SETD3: variants seen among roughly 807,000 people sequenced by gnomAD.
The protein encoded by SETD3 is actin-histidine N-methyltransferase.
SETD3 carries 19 observed loss-of-function variants against 63.0 expected under a neutral mutation model. The observed-to-expected ratio is 0.30, with a 90% confidence interval of 0.21 to 0.44. The LOEUF is 0.44. SETD3 is among the 20% of genes least tolerant of loss of function. The pLI is 1.00. For missense variants in SETD3, 587 were observed against 728.5 expected (o/e 0.81, Z 2.24); for synonymous variants, 286 against 264.1 (o/e 1.08, Z -0.80).
At chr14:99,441,714 C>T (rs1379049274) in intron 6 of SETD3, among the ~76,000 whole-genome samples, 1 of 152,170 alleles carries the variant, frequency 6.6e-6, no homozygotes, top group East Asian at 1.9e-4. Context: ...GAGTGGACTG[C>T]AGTGAGGGAG....
At chr14:99,468,019 C>T (rs1016308676) in intron 1 of SETD3, among the ~76,000 whole-genome samples, 30 of 152,122 alleles carry the variant, frequency 2.0e-4, no homozygotes, top group African/African-American at 6.8e-4. Context: ...GCAGTAGATA[C>T]CATCCTCATC....
At chr14:99,480,370 G>A (rs1157906667) in intron 1 of SETD3, among the ~76,000 whole-genome samples, 1 of 151,976 alleles carries the variant, frequency 6.6e-6, no homozygotes, top group Non-Finnish European at 1.5e-5. Context: ...AGCTCGGGGA[G>A]AGCGCTGCCT....
At chr14:99,486,326 G>A in the SETD3 span, among the ~76,000 whole-genome samples, 10 of 152,118 alleles carry the variant, frequency 6.6e-5, no homozygotes, top group South Asian at 2.1e-4. Context: ...GTGCATTCAA[G>A]TCTGTTTTAC....
At chr14:99,427,397 A>G (rs1242586492) in intron 6 of SETD3, among the ~76,000 whole-genome samples, 1 of 152,202 alleles carries the variant, frequency 6.6e-6, no homozygotes, top group Non-Finnish European at 1.5e-5. Flanking sequence ...TAAATGTAAT[A>G]TTTACTGTGC....
At chr14:99,400,662 G>A (rs914654904) in intron 11 of SETD3, among the ~76,000 whole-genome samples, 1 of 152,164 alleles carries the variant, frequency 6.6e-6, no homozygotes, top group Non-Finnish European at 1.5e-5. Flanking sequence ...TTAGGTGAAC[G>A]ATGTAAACGG....
At chr14:99,464,637 CA>C (rs1484673733) in intron 2 of SETD3, among the ~76,000 whole-genome samples, 5 of 152,220 alleles carry the variant, frequency 3.3e-5, no homozygotes, top group African/African-American at 1.2e-4. Context: ...GGGAAAGCTG[CA>C]TTTTTACTTG....
At chr14:99,420,822 A>C (rs536673881) in intron 6 of SETD3, among the ~76,000 whole-genome samples, 1 of 151,346 alleles carries the variant, frequency 6.6e-6, no homozygotes, top group African/African-American at 2.4e-5. Context: ...CCCCACCCCC[A>C]ACTCACCCCG....
chr14:99,431,377 G>A lies in SETD3; in HGVS notation c.676-17443C>T, dbSNP rs149076512. 1.1e-3 allele frequency among the ~76,000 whole-genome samples: 165 copies of A among 152,274 alleles called. 1 individual carries two copies. Among genetic ancestry groups the A allele is most frequent in the Middle Eastern group, 3.4e-3 (1 of 294 alleles). On this transcript the variant is annotated intron_variant, in intron 6 of 12. Coordinates refer to ENST00000331768, the MANE Select transcript of SETD3 (RefSeq NM_032233.3). ...TTACAGGCAGAGCTGTGACTCAAAC[G>A]CAGGAGTTCTGATTCCAACTCTAGC... is the stretch of plus-strand genomic sequence containing the variant.
At chr14:99,442,365 G>A (rs546778134) in intron 6 of SETD3, among the ~76,000 whole-genome samples, 55 of 152,304 alleles carry the variant, frequency 3.6e-4, no homozygotes, top group Middle Eastern at 3.4e-3. Context: ...GCACATTCTA[G>A]ATGAGAATGA....
intron 6 of SETD3, among the ~76,000 whole-genome samples, chr14:99,415,483 G>A (rs1238122515): frequency 1.3e-5 from 2 of 152,066 alleles, no homozygotes; most frequent in Non-Finnish European, 2.9e-5. Flanking sequence ...CCAAACATGG[G>A]TGATCTCCAT....
intron 6 of SETD3, among the ~76,000 whole-genome samples, chr14:99,457,269 C>T (rs879608785): frequency 7.2e-5 from 11 of 152,116 alleles, no homozygotes; most frequent in Admixed American, 4.6e-4. Context: ...TTAGAAAAAC[C>T]GAGTGATTGA....
intron 6 of SETD3, among the ~76,000 whole-genome samples, chr14:99,424,629 C>T (rs760847697): frequency 6.6e-6 from 1 of 152,186 alleles, no homozygotes; most frequent in African/African-American, 2.4e-5. Context: ...ACCTGAGTTC[C>T]TGACCAGGCC....
intron 6 of SETD3, among the ~76,000 whole-genome samples, chr14:99,443,264 T>TC (rs1289752172): frequency 6.8e-6 from 1 of 147,764 alleles, no homozygotes; most frequent in Non-Finnish European, 1.5e-5. Flanking sequence ...CATTTTTTTT[T>TC]TTTTTTTTTT....
chr14:99,400,065 C>T, intron 12 of SETD3, 34 bp downstream of exon 12: 1 of 1,558,312 alleles, frequency 6.4e-7, no homozygotes, highest in East Asian at 2.4e-5. Flanking sequence ...AACAACACAA[C>T]AAGTTCAAAA....
At chr14:99,462,797 A>G (rs895848800) in intron 3 of SETD3, among the ~76,000 whole-genome samples, 4 of 152,212 alleles carry the variant, frequency 2.6e-5, no homozygotes, top group African/African-American at 9.7e-5. Flanking sequence ...GAGAGCAAAT[A>G]AAAAACAAAC....
intron 6 of SETD3, among the ~76,000 whole-genome samples, chr14:99,457,039 C>T (rs1188320073): frequency 6.6e-6 from 1 of 152,156 alleles, no homozygotes; most frequent in Non-Finnish European, 1.5e-5. Context: ...GTCAGCTTAA[C>T]CTTTAGTCAT....
At chr14:99,481,546 A>G (rs368849385), upstream of SETD3, 11 of 398,298 alleles carry the variant, frequency 2.8e-5, no homozygotes, top group East Asian at 2.1e-4. Flanking sequence ...GGAGTAGGTT[A>G]TGGCCAACCG....
At chr14:99,473,422 ATATT>A (rs1362122713) in intron 1 of SETD3, among the ~76,000 whole-genome samples, 2 of 152,162 alleles carry the variant, frequency 1.3e-5, no homozygotes, top group Non-Finnish European at 2.9e-5. Context: ...AATGGAAAGG[ATATT>A]TATTTGTGTA....
intron 6 of SETD3, among the ~76,000 whole-genome samples, chr14:99,440,735 GAA>G (rs34715965): frequency 7.5e-6 from 1 of 133,644 alleles, no homozygotes; most frequent in Admixed American, 7.6e-5. Context: ...AACACTGGGT[GAA>G]AAAAAAAAAA....
Sources: gnomAD v4.1 joint callset for allele counts (sites outside exome capture counted in the v4.1 genomes callset) on GRCh38, gnomAD v4.1.1 for gene constraint, MANE v1.5 for transcripts, NCBI Gene and HGNC (gene_info 2026-07-23, HGNC 2026-07-21) for gene names.